Variants in DMXL1 observed in about 807,000 individuals in gnomAD.
The protein encoded by DMXL1 is Dmx like 1, also known as dmX-like protein 1.
DMXL1 carries 99 observed loss-of-function variants against 319.2 expected under a neutral mutation model. That is an observed-to-expected ratio of 0.31 (90% CI 0.26 to 0.37). The LOEUF (loss-of-function observed/expected upper bound fraction) is 0.37. Among genes scored for constraint, DMXL1 ranks in the 10% least tolerant of loss-of-function variants. The pLI is 1.00. For synonymous variants in DMXL1, 1,385 were observed against 1,235.2 expected (o/e 1.12, Z -2.54); for missense variants, 3,745 against 3,595.6 (o/e 1.04, Z -1.06).
chr5:119,138,047 T>C (rs1314377416), intron 13 of DMXL1, among the ~76,000 whole-genome samples: 1 of 152,198 alleles, frequency 6.6e-6, no homozygotes, highest in Non-Finnish European at 1.5e-5. Flanking sequence ...AAATGATTCC[T>C]CTGGTGGCTA....
intron 35 of DMXL1, among the ~76,000 whole-genome samples, chr5:119,218,519 C>T (rs1036424109): frequency 7.9e-5 from 12 of 152,016 alleles, no homozygotes; most frequent in East Asian, 1.9e-4. Flanking sequence ...TGCAGTGGCG[C>T]GATCTTGGCT....
At chr5:119,140,804 A>G (rs1255645552) in intron 13 of DMXL1, among the ~76,000 whole-genome samples, 4 of 152,176 alleles carry the variant, frequency 2.6e-5, no homozygotes, top group Non-Finnish European at 5.9e-5. Flanking sequence ...ACACACACAC[A>G]AAAAGAAAAC....
intron 39 of DMXL1, 175 bp from the exon 40 acceptor site, chr5:119,237,147 T>C: frequency 2.6e-6 from 1 of 378,104 alleles, no homozygotes; most frequent in Non-Finnish European, 4.9e-6. Context: ...CTGGGATTTT[T>C]AAAGTAGTAG....
intron 1 of DMXL1, among the ~76,000 whole-genome samples, 186 bp from the exon 2 acceptor site, chr5:119,097,793 T>C (rs1756330153): frequency 6.6e-6 from 1 of 152,088 alleles, no homozygotes; most frequent in African/African-American, 2.4e-5. Flanking sequence ...AATTTGCTAA[T>C]AGGCTGTATA....
At chr5:119,115,325 G>A (rs1321153787) in intron 6 of DMXL1, among the ~76,000 whole-genome samples, 1 of 152,102 alleles carries the variant, frequency 6.6e-6, no homozygotes, top group African/African-American at 2.4e-5. Flanking sequence ...AGACTTCATA[G>A]GCTTTCTAGA....
At chr5:119,126,566 T>C (rs1189004052) in intron 9 of DMXL1, among the ~76,000 whole-genome samples, 1 of 152,202 alleles carries the variant, frequency 6.6e-6, no homozygotes, top group Non-Finnish European at 1.5e-5. Flanking sequence ...ACTTTCTAAG[T>C]GCCCAACACC....
intron 27 of DMXL1, 44 bp from the exon 28 acceptor site, chr5:119,177,952 A>T (rs772882507): frequency 5.2e-5 from 78 of 1,498,858 alleles, no homozygotes; most frequent in Non-Finnish European, 5.2e-5. Flanking sequence ...TTAAAATTTT[A>T]AAAATTTATA....
chr5:119,092,571 G>T (rs1353403891), intron 1 of DMXL1, among the ~76,000 whole-genome samples: 1 of 152,064 alleles, frequency 6.6e-6, no homozygotes, highest in African/African-American at 2.4e-5. Context: ...TATTAACAAT[G>T]TGTATTACCA....
intron 28 of DMXL1, among the ~76,000 whole-genome samples, chr5:119,181,164 G>T (rs1400724950): frequency 1.3e-5 from 2 of 152,112 alleles, no homozygotes; most frequent in African/African-American, 2.4e-5. Flanking sequence ...AATTATTTTG[G>T]GGGGGCCATT....
At chr5:119,092,187 A>G (rs1205331129) in intron 1 of DMXL1, among the ~76,000 whole-genome samples, 4 of 151,984 alleles carry the variant, frequency 2.6e-5, no homozygotes, top group Non-Finnish European at 4.4e-5. Flanking sequence ...GGCCCCAGGA[A>G]CTGTCTTGTC....
In DMXL1 at chr5:119,201,264, G is replaced by GT. The variant is rs573252651; in HGVS notation, c.7746-2050dup. ...TCTTTCAATACCTAGCTTATTGAGAGTTTTTACATGGATTGATGTTGAATT... is the reference window on the plus strand; with the variant it reads ...TCTTTCAATACCTAGCTTATTGAGAGTTTTTTACATGGATTGATGTTGAATT... On this transcript the variant is annotated intron_variant, in intron 32 of 43. Transcript: ENST00000539542. Among the ~76,000 whole-genome samples the GT allele has an allele frequency of 4.3e-3, 655 of 152,248 alleles. 5 individuals carry two copies. The highest frequency in any genetic ancestry group is 5.4e-3 in the Non-Finnish European group (364 of 68,008).
In DMXL1 at chr5:119,176,646, A is replaced by G. The variant is rs189185577; in HGVS notation, c.6759-711A>G. Among the ~76,000 whole-genome samples the G allele has an allele frequency of 1.1e-3, 163 of 152,192 alleles. 2 individuals are homozygous for G. The highest frequency in any genetic ancestry group is 3.7e-3 in the African/African-American group (154 of 41,576). ...TGCCAATCATAACACATTTACACCA[A>G]TAAATGCGCTATATTTAAGTATATT... On this transcript the variant is annotated intron_variant, in intron 26 of 43. Transcript: ENST00000539542.
rs1783525274 is a variant in DMXL1 at position 119,215,514 on chromosome 5, G to A, written c.7927-1387G>A. Among the ~76,000 whole-genome samples, 13 of 151,956 alleles carry A rather than the reference G, an allele frequency of 8.6e-5. 1 individual carries two copies. In the South Asian group the frequency reaches 2.7e-3, roughly 32 times the overall value. On this transcript the variant is annotated intron_variant, in intron 34 of 43. Transcript: ENST00000539542. ...GTAAAGTAATTTCTAGTTAATTTTT[G>A]TAATTTTAGTAAAATTTTGTACTTT...
intron 31 of DMXL1, among the ~76,000 whole-genome samples, chr5:119,196,973 T>G (rs1301150880): frequency 6.6e-6 from 1 of 152,110 alleles, no homozygotes; most frequent in South Asian, 2.1e-4. Flanking sequence ...TAGTAGTAAA[T>G]CAGTAGGTCA....
chr5:119,210,757 G>GTTTTTTTTTTTTTT, intron 34 of DMXL1, among the ~76,000 whole-genome samples: 11 of 89,778 alleles, frequency 1.2e-4, no homozygotes, highest in East Asian at 3.5e-4. Context: ...TTTTTCTTTC[G>GTTTTTTTTTTTTTT]TTTTTTTTTT....
chr5:119,123,513 T>C (rs983799174), intron 9 of DMXL1, among the ~76,000 whole-genome samples: 1 of 151,950 alleles, frequency 6.6e-6, no homozygotes, highest in African/African-American at 2.4e-5. Context: ...CTCACTGATT[T>C]CTGTTTGTTT....
intron 41 of DMXL1, among the ~76,000 whole-genome samples, chr5:119,239,944 T>G (rs1788457553): frequency 7.6e-6 from 1 of 131,606 alleles, no homozygotes; most frequent in African/African-American, 2.8e-5. Context: ...GCAACAAGAG[T>G]GTAAAACTCC....
rs1027304749 is a variant in DMXL1 at position 119,238,748 on chromosome 5, T to C, written c.8560-241T>C. 1.6e-5 allele frequency: 4 copies of C among 252,908 alleles called. No individual in the cohort carries two copies. The South Asian group carries it at 4.5e-4, about 29-fold the overall frequency. 15.7% of individuals were successfully genotyped at this position (252,908 alleles called of 1,614,324 possible). On this transcript the variant is annotated intron_variant, in intron 40 of 43. Coordinates refer to ENST00000539542, the MANE Select transcript of DMXL1 (RefSeq NM_001290321.3). ...GTGTATGCGTGGGTGTCTACAAATA[T>C]GAAAGAGAAGTAGAGGCAAAACAAA...
intron 1 of DMXL1, among the ~76,000 whole-genome samples, chr5:119,077,243 A>G (rs1056509265): frequency 1.3e-5 from 2 of 148,862 alleles, no homozygotes; most frequent in Non-Finnish European, 2.9e-5. Flanking sequence ...CCTCCCTGTG[A>G]TTACAGGTGT....
Sources: gnomAD v4.1 joint callset for allele counts (sites outside exome capture counted in the v4.1 genomes callset) on GRCh38, gnomAD v4.1.1 for gene constraint, MANE v1.5 for transcripts, NCBI Gene and HGNC (gene_info 2026-07-23, HGNC 2026-07-21) for gene names.